The following XIRP2 variants were observed in gnomAD, a reference collection of about 807,000 sequenced individuals.
XIRP2 encodes the protein xin actin binding repeat containing 2, also known as xin actin-binding repeat-containing protein 2.
A neutral mutation model predicts 277.0 loss-of-function variants in XIRP2; 236 were observed. The observed-to-expected ratio is 0.85, with a 90% CI of 0.77 to 0.95. The LOEUF is 0.95. Ranked by LOEUF, XIRP2 falls within the 40% of genes least tolerant of loss-of-function variation. XIRP2 has a pLI of 0.00. For synonymous variants in XIRP2, 1,490 were observed against 1,416.5 expected, an observed-to-expected ratio of 1.05 and a Z score of -1.17; for missense variants, 4,640 against 4,157.5, an observed-to-expected ratio of 1.12 and a Z score of -3.19.
At chr2:167,191,619 A>G (rs2105367062) in intron 3 of XIRP2, among the ~76,000 whole-genome samples, 1 of 152,296 alleles carries the variant, frequency 6.6e-6, no homozygotes, top group South Asian at 2.1e-4. Flanking sequence ...AACTTGAAAG[A>G]TGATGACTGG....
chr2:166,902,768 G>A (rs961957091), intron 1 of XIRP2, among the ~76,000 whole-genome samples: 1 of 151,976 alleles, frequency 6.6e-6, no homozygotes, highest in Non-Finnish European at 1.5e-5. Context: ...GGTTAAGAGG[G>A]CAGATCCTGG....
Position 166,971,034 on chromosome 2 carries a change from G to A in XIRP2, c.408+67144G>A, listed in dbSNP as rs185987506. On this transcript the variant is annotated intron_variant, in intron 2 of 10. Coordinates refer to ENST00000409195, the MANE Select transcript of XIRP2 (RefSeq NM_152381.6). ...TGATGGCTATCTAAAAAATTCAATA[G>A]CATCAATGAACAAGGAAATATTAGG... Among the ~76,000 whole-genome samples, 363 of 151,896 alleles carry A rather than the reference G, an allele frequency of 2.4e-3. 1 individual carries two copies. Among genetic ancestry groups the A allele is most frequent in the African/African-American group, 8.3e-3 (343 of 41,488 alleles).
At chr2:167,168,016 G>A (rs1365378723) in intron 3 of XIRP2, among the ~76,000 whole-genome samples, 1 of 152,062 alleles carries the variant, frequency 6.6e-6, no homozygotes, top group Non-Finnish European at 1.5e-5. Flanking sequence ...CTAGTTGGTG[G>A]TATTTTCCTC....
At chr2:167,201,299 GGGAA>G (rs1443110960) in intron 3 of XIRP2, among the ~76,000 whole-genome samples, 2 of 148,428 alleles carry the variant, frequency 1.3e-5, no homozygotes, top group African/African-American at 2.5e-5. Flanking sequence ...GAGGGAGGGA[GGGAA>G]GGAAGGAAGG....
intron 3 of XIRP2, among the ~76,000 whole-genome samples, chr2:167,157,306 A>T (rs954354798): frequency 1.4e-4 from 21 of 152,248 alleles, no homozygotes; most frequent in Admixed American, 1.2e-3. Flanking sequence ...TTTATTTACT[A>T]ATCAATCTAT....
intron 2 of XIRP2, among the ~76,000 whole-genome samples, chr2:167,061,798 G>A (rs561631744): frequency 2.9e-4 from 44 of 152,042 alleles, no homozygotes; most frequent in Non-Finnish European, 2.9e-5. Flanking sequence ...CGAAAGCTAG[G>A]AAAAGGCAAG....
intron 4 of XIRP2, 115 bp downstream of exon 4, chr2:167,211,010 C>T (rs2105389658): frequency 1.6e-6 from 2 of 1,286,444 alleles, no homozygotes; most frequent in Non-Finnish European, 2.1e-6. Context: ...GTAGAAAGAG[C>T]ACAAAAATAG....
chr2:167,240,530 C>A (rs975488817), intron 6 of XIRP2, 134 bp from the exon 7 acceptor site: 5 of 680,030 alleles, frequency 7.4e-6, no homozygotes, highest in African/African-American at 3.6e-5. Flanking sequence ...TAAATGATAG[C>A]AGCTTAATTA....
At chr2:166,918,356 C>A (rs1684945296) in intron 2 of XIRP2, among the ~76,000 whole-genome samples, 1 of 152,006 alleles carries the variant, frequency 6.6e-6, no homozygotes, top group Non-Finnish European at 1.5e-5. Context: ...CCAAAATTTT[C>A]CCTATTTATT....
intron 2 of XIRP2, among the ~76,000 whole-genome samples, chr2:167,030,307 G>A (rs933554531): frequency 5.3e-5 from 8 of 151,924 alleles, no homozygotes; most frequent in South Asian, 2.1e-4. Flanking sequence ...TGTGATGTTA[G>A]GGTATTGATT....
intron 2 of XIRP2, among the ~76,000 whole-genome samples, chr2:167,113,732 T>G (rs1395869854): frequency 6.6e-6 from 1 of 152,226 alleles, no homozygotes; most frequent in African/African-American, 2.4e-5. Context: ...TTTTATAGTA[T>G]CACTGATGTG....
intron 2 of XIRP2, among the ~76,000 whole-genome samples, chr2:167,079,099 C>T (rs1689659716): frequency 6.6e-6 from 1 of 152,096 alleles, no homozygotes; most frequent in Non-Finnish European, 1.5e-5. Context: ...ATGCTTTTCC[C>T]ACATCTATTG....
rs1574101353 is a variant in XIRP2, at chr2:166,942,814, G to A, written c.408+38924G>A. ...AAAATAAAAGCCTTGAAGAGAGACT[G>A]TTTTGAATTTTAAACTCTACAGCAT... On this transcript the variant is annotated intron_variant, in intron 2 of 10. Coordinates refer to ENST00000409195, the MANE Select transcript of XIRP2 (RefSeq NM_152381.6). 2.0e-5 allele frequency among the ~76,000 whole-genome samples: 3 copies of A among 152,038 alleles called. No homozygotes were observed. In the East Asian group the frequency reaches 5.8e-4, roughly 29 times the overall value.
intron 2 of XIRP2, among the ~76,000 whole-genome samples, chr2:167,127,694 G>C (rs1336617494): frequency 6.6e-6 from 1 of 152,178 alleles, no homozygotes; most frequent in Non-Finnish European, 1.5e-5. Flanking sequence ...GTATTCACCT[G>C]GATGTCTTCA....
chr2:167,252,718 T>C (rs1395152351), intron 9 of XIRP2, among the ~76,000 whole-genome samples: 1 of 151,990 alleles, frequency 6.6e-6, no homozygotes, highest in Non-Finnish European at 1.5e-5. Flanking sequence ...TTGCAATTAA[T>C]GAGGCTTCAT....
chr2:167,243,613 T>C lies in XIRP2; in HGVS notation c.2221T>C (p.Leu741=). 6.2e-7 allele frequency: 1 copy of C among 1,613,976 alleles called. No homozygotes were observed. The highest frequency in any genetic ancestry group is 8.5e-7 in the Non-Finnish European group (1 of 1,179,972). ...RSIKCFETQP[L]YVIRDGSGQM... is the part of the protein sequence containing the mutation. ...TATAAAATGTTTCGAAACTCAACCA[T>C]TATATGTTATTAGAGATGGTTCGGG... is the stretch of plus-strand genomic sequence containing the variant. The change falls in exon 9 of 11, where the codon TTA becomes CTA. Residue 741 remains leucine, a synonymous_variant. Coordinates refer to ENST00000409195, the MANE Select transcript of XIRP2 (RefSeq NM_152381.6).
chr2:166,953,834 T>C (rs1401629724), intron 2 of XIRP2, among the ~76,000 whole-genome samples: 2 of 151,948 alleles, frequency 1.3e-5, no homozygotes, highest in Admixed American at 1.3e-4. Flanking sequence ...CTTTCCTTCC[T>C]TCCTCTGTTC....
intron 2 of XIRP2, among the ~76,000 whole-genome samples, chr2:166,996,124 C>A (rs1183871923): frequency 6.6e-6 from 1 of 152,120 alleles, no homozygotes; most frequent in Non-Finnish European, 1.5e-5. Flanking sequence ...AGGGTTGAAT[C>A]TTTTTCTTTT....
At chr2:167,220,738 T>TG (rs1331696836) in intron 5 of XIRP2, among the ~76,000 whole-genome samples, 2 of 152,216 alleles carry the variant, frequency 1.3e-5, no homozygotes, top group African/African-American at 4.8e-5. Context: ...AAGAGGATGC[T>TG]GATTGGCTTA....
Sources: gnomAD v4.1 joint callset for allele counts (sites outside exome capture counted in the v4.1 genomes callset) on GRCh38, gnomAD v4.1.1 for gene constraint, MANE v1.5 for transcripts, NCBI Gene and HGNC (gene_info 2026-07-23, HGNC 2026-07-21) for gene names.